The following INSL6 variants were observed in gnomAD, a reference collection of about 807,000 sequenced individuals.
The protein encoded by INSL6 is insulin-like peptide INSL6.
In INSL6, 16 loss-of-function variants were observed where a neutral mutation model predicts 9.4. The observed-to-expected ratio is 1.70, with a 90% CI of 1.15 to 2.59. The LOEUF (loss-of-function observed/expected upper bound fraction) is 2.59, where lower values mean the gene tolerates loss of function less well. INSL6 is among the 30% of genes most tolerant of loss of function. The pLI is 0.00. For synonymous variants in INSL6, 154 were observed against 96.9 expected (o/e 1.59, Z -3.46); for missense variants, 391 against 257.3 (o/e 1.52, Z -3.56).
chr9:5,094,784 A>G, the INSL6 span: 1 of 152,242 alleles, frequency 6.6e-6, no homozygotes, highest in African/African-American at 2.4e-5. Flanking sequence ...TGCCCTGACT[A>G]CTACTATTTT....
chr9:5,167,435 T>C (rs559437491), intron 1 of INSL6, among the ~76,000 whole-genome samples: 13 of 152,204 alleles, frequency 8.5e-5, no homozygotes, highest in Non-Finnish European at 7.3e-5. Flanking sequence ...TCCCCTACCA[T>C]GATGCCAGTG....
chr9:5,177,454 G>C (rs1206181971), intron 1 of INSL6, among the ~76,000 whole-genome samples: 5 of 152,158 alleles, frequency 3.3e-5, no homozygotes, highest in Non-Finnish European at 7.3e-5. Flanking sequence ...CTAGGGCCTT[G>C]GGTTCGACAC....
chr9:5,111,224 GC>G, the INSL6 span: 155,701 of 583,336 alleles, frequency 0.27, 21,595 homozygotes, highest in African/African-American at 0.39. Flanking sequence ...AGCAGCTAGC[GC>G]GGGCCTATTC....
chr9:5,129,831 T>G (rs1324913444), intron 3 of INSL6, among the ~76,000 whole-genome samples: 1 of 152,156 alleles, frequency 6.6e-6, no homozygotes, highest in African/African-American at 2.4e-5. Flanking sequence ...GCCTTTAACT[T>G]TTTACATTAA....
At chr9:5,030,385 T>C in the INSL6 span, among the ~76,000 whole-genome samples, 7 of 152,162 alleles carry the variant, frequency 4.6e-5, no homozygotes, top group Non-Finnish European at 8.8e-5. Context: ...AATGCCTATT[T>C]AGAGAAATCT....
At chr9:5,069,339 T>C in the INSL6 span, 1 of 612,334 alleles carries the variant, frequency 1.6e-6, no homozygotes, top group Non-Finnish European at 2.8e-6. Context: ...TATCTTATTC[T>C]ATTGTACAAG....
chr9:5,049,778 A>T, the INSL6 span, among the ~76,000 whole-genome samples: 3 of 152,226 alleles, frequency 2.0e-5, no homozygotes, highest in Non-Finnish European at 4.4e-5. Flanking sequence ...ATACAAACCT[A>T]TATGTTATAG....
chr9:5,115,609 C>G, the INSL6 span, among the ~76,000 whole-genome samples: 149 of 152,284 alleles, frequency 9.8e-4, no homozygotes, highest in African/African-American at 3.3e-3. Flanking sequence ...GACACATGCA[C>G]ATGTATGTTT....
the INSL6 span, among the ~76,000 whole-genome samples, chr9:5,061,065 T>C: frequency 6.6e-6 from 1 of 152,210 alleles, no homozygotes; most frequent in African/African-American, 2.4e-5. Flanking sequence ...ATCTTAACAA[T>C]GGGCTTAAAA....
chr9:5,136,770 G>C (rs977045029), intron 2 of INSL6, among the ~76,000 whole-genome samples: 129 of 152,262 alleles, frequency 8.5e-4, no homozygotes, highest in African/African-American at 2.9e-3. Flanking sequence ...GTTCTGGCCA[G>C]GGCAATCAGG....
chr9:5,001,568 T>C, the INSL6 span, among the ~76,000 whole-genome samples: 1 of 152,116 alleles, frequency 6.6e-6, no homozygotes, highest in Non-Finnish European at 1.5e-5. Flanking sequence ...CCTTTTTATA[T>C]GCTCCTGGTT....
At chr9:5,031,881 T>G in the INSL6 span, among the ~76,000 whole-genome samples, 1 of 152,200 alleles carries the variant, frequency 6.6e-6, no homozygotes. Context: ...TGTACCGGGT[T>G]CGTCTCACTG....
chr9:5,088,672 G>A, the INSL6 span, among the ~76,000 whole-genome samples: 4 of 152,308 alleles, frequency 2.6e-5, no homozygotes, highest in East Asian at 3.9e-4. Context: ...GAATTCCAGG[G>A]CCTGGAAAGT....
the INSL6 span, chr9:5,070,021 TTCACAA>T: frequency 6.2e-7 from 1 of 1,607,744 alleles, no homozygotes; most frequent in Non-Finnish European, 8.5e-7. Context: ...CAAATGGTGT[TTCACAA>T]AATCAGAAAT....
At chr9:5,089,103 T>C in the INSL6 span, among the ~76,000 whole-genome samples, 1 of 152,244 alleles carries the variant, frequency 6.6e-6, no homozygotes, top group South Asian at 2.1e-4. Context: ...TTAATGCTCA[T>C]CATTTATTTA....
At chr9:5,108,633 C>G in the INSL6 span, 1 of 152,090 alleles carries the variant, frequency 6.6e-6, no homozygotes, top group Non-Finnish European at 1.5e-5. Flanking sequence ...ACTCCTAAAA[C>G]TAGGCGGCTG....
chr9:5,068,467 T>G, the INSL6 span, among the ~76,000 whole-genome samples: 1 of 152,216 alleles, frequency 6.6e-6, no homozygotes, highest in African/African-American at 2.4e-5. Flanking sequence ...GAGGACCTCT[T>G]AGAAACAGTG....
chr9:5,081,135 T>C, the INSL6 span, among the ~76,000 whole-genome samples: 772 of 152,056 alleles, frequency 5.1e-3, 6 homozygotes, highest in Non-Finnish European at 7.9e-3. Flanking sequence ...GATCTTGTGA[T>C]CCGCCCGCCT....
chr9:5,118,745 G>A, the INSL6 span, among the ~76,000 whole-genome samples: 12 of 152,202 alleles, frequency 7.9e-5, no homozygotes, highest in South Asian at 4.1e-4. Context: ...TTTCTATGAC[G>A]CCTTCTGAGA....
Sources: allele counts gnomAD v4.1 joint callset (sites outside exome capture counted in the v4.1 genomes callset), GRCh38; gene constraint gnomAD v4.1.1; transcripts MANE v1.5; gene names NCBI Gene and HGNC (gene_info 2026-07-23, HGNC 2026-07-21).